Variants in MTMR9 observed in about 807,000 individuals in gnomAD.
The protein encoded by MTMR9 is myotubularin-related protein 9.
MTMR9 carries 39 observed loss-of-function variants against 69.5 expected under a neutral mutation model. That is an observed-to-expected ratio of 0.56 (90% CI 0.43 to 0.73). The LOEUF is 0.73. MTMR9 is among the 30% of genes least tolerant of loss of function. The pLI is 0.00. For missense variants in MTMR9, 900 were observed against 671.2 expected (o/e 1.34, Z -3.77); for synonymous variants, 354 against 240.8 (o/e 1.47, Z -4.35).
rs73537142 is a variant in MTMR9, at chr8:11,297,102, T to C, written c.291+1800T>C. Among the ~76,000 whole-genome samples, 431 of 152,350 alleles carry C rather than the reference T, an allele frequency of 2.8e-3. 2 individuals are homozygous for C. The highest frequency in any genetic ancestry group is 9.5e-3 in the African/African-American group (393 of 41,574). ...TACTTTCTAGACTACTATAGGAACG[T>C]TGATTTTTTCTTTCCGTGTATGTGT... On this transcript the variant is annotated intron_variant, in intron 2 of 9. Transcript: ENST00000221086.
rs1230704259 is a variant in MTMR9 at position 11,323,627 on chromosome 8, A to T, written c.*839A>T. 1 of 152,280 alleles carries T rather than the reference A, an allele frequency of 6.6e-6. No homozygotes were observed. The highest frequency in any genetic ancestry group is 1.5e-5 in the Non-Finnish European group (1 of 68,048). 9.4% of individuals were successfully genotyped at this position (152,280 alleles called of 1,614,324 possible). ...ATCTAGAATAGAGTTAATTTATTAT[A>T]ATCAAGCTACAAATAGGTTTTCTTA... On this transcript the variant is annotated 3_prime_UTR_variant, in exon 10 of 10. Transcript: ENST00000221086.
the MTMR9 span, among the ~76,000 whole-genome samples, chr8:11,339,290 G>C: frequency 6.6e-6 from 1 of 152,166 alleles, no homozygotes; most frequent in Non-Finnish European, 1.5e-5. Flanking sequence ...CTGACAATTG[G>C]TATACTATTT....
chr8:11,302,283 CA>C (rs60497555), intron 3 of MTMR9, among the ~76,000 whole-genome samples: 62,197 of 104,304 alleles, frequency 0.6, 16,038 homozygotes, highest in East Asian at 0.78. Context: ...AAGAGGAAGA[CA>C]AAAAAAAAAA....
At chr8:11,307,323 C>T (rs963982165) in intron 5 of MTMR9, among the ~76,000 whole-genome samples, 3 of 152,174 alleles carry the variant, frequency 2.0e-5, no homozygotes, top group Non-Finnish European at 2.9e-5. Context: ...CCTCCTGCCT[C>T]GGCCCCTCAA....
At chr8:11,298,118 T>A (rs1015071996) in intron 2 of MTMR9, among the ~76,000 whole-genome samples, 5 of 152,206 alleles carry the variant, frequency 3.3e-5, no homozygotes, top group African/African-American at 1.2e-4. Context: ...AAGCTTTTTT[T>A]CAGTGTTTCA....
intron 5 of MTMR9, 26 bp downstream of exon 5, chr8:11,306,433 A>C: frequency 6.2e-7 from 1 of 1,600,914 alleles, no homozygotes; most frequent in Non-Finnish European, 8.6e-7. Flanking sequence ...GATAGTACAG[A>C]CTCTTATTAG....
intron 5 of MTMR9, among the ~76,000 whole-genome samples, chr8:11,307,199 G>C (rs934179443): frequency 6.6e-6 from 1 of 152,102 alleles, no homozygotes; most frequent in African/African-American, 2.4e-5. Flanking sequence ...AGCTTCCCAA[G>C]TAGCTGGGAC....
At chr8:11,331,122 C>A, downstream of MTMR9, 2 of 1,601,684 alleles carry the variant, frequency 1.2e-6, no homozygotes, top group Non-Finnish European at 1.7e-6. Context: ...TGGCAGTCAC[C>A]CCTACTTCAA....
downstream of MTMR9, among the ~76,000 whole-genome samples, chr8:11,328,344 CGTGTGTGTGTGT>C (rs151066674): frequency 1.1e-5 from 1 of 90,894 alleles, no homozygotes; most frequent in African/African-American, 3.0e-5. Flanking sequence ...TTTAATACCA[CGTGTGTGTGTGT>C]GTGTGTGTGT....
At chr8:11,291,296 G>T (rs942418917) in intron 1 of MTMR9, among the ~76,000 whole-genome samples, 5 of 151,988 alleles carry the variant, frequency 3.3e-5, no homozygotes, top group African/African-American at 1.2e-4. Flanking sequence ...TATATGCTAG[G>T]TGCTGTACTA....
chr8:11,328,371 GTT>G (rs1491286482), downstream of MTMR9, among the ~76,000 whole-genome samples: 9,801 of 150,316 alleles, frequency 0.065, 349 homozygotes, highest in African/African-American at 0.077. Flanking sequence ...GTGTGTGTGT[GTT>G]TGTTACACTG....
chr8:11,288,358 A>T (rs1203427395), intron 1 of MTMR9, among the ~76,000 whole-genome samples: 2 of 141,380 alleles, frequency 1.4e-5, no homozygotes, highest in East Asian at 3.9e-4. Flanking sequence ...ATATATATAT[A>T]ATATATATAT....
chr8:11,298,867 G>C (rs970051611), intron 2 of MTMR9: 27 of 985,036 alleles, frequency 2.7e-5, no homozygotes, highest in Non-Finnish European at 3.1e-5. Context: ...GGATTCAAGT[G>C]CTCCAGGTAA....
intron 8 of MTMR9, chr8:11,317,781 T>C (rs1362346355): frequency 6.6e-6 from 1 of 152,272 alleles, no homozygotes; most frequent in African/African-American, 2.4e-5. Context: ...CACATCAGAA[T>C]GATCTTTCAG....
intron 1 of MTMR9, among the ~76,000 whole-genome samples, chr8:11,285,653 G>A (rs1384676707): frequency 2.0e-5 from 3 of 152,030 alleles, no homozygotes; most frequent in African/African-American, 7.2e-5. Context: ...AAAGAACAGG[G>A]TTGGCTCTCA....
chr8:11,310,690 T>G (rs1490422672), intron 6 of MTMR9, among the ~76,000 whole-genome samples: 1 of 152,208 alleles, frequency 6.6e-6, no homozygotes, highest in Admixed American at 6.5e-5. Flanking sequence ...ATAATGATTT[T>G]GTTAATACTG....
At chr8:11,305,749 A>G (rs1385522051) in intron 4 of MTMR9, among the ~76,000 whole-genome samples, 1 of 152,194 alleles carries the variant, frequency 6.6e-6, no homozygotes, top group Non-Finnish European at 1.5e-5. Flanking sequence ...AACAATGAGA[A>G]CAGTGTTTGA....
downstream of MTMR9, chr8:11,331,122 C>T: frequency 6.2e-7 from 1 of 1,601,684 alleles, no homozygotes; most frequent in Non-Finnish European, 8.5e-7. Context: ...TGGCAGTCAC[C>T]CCTACTTCAA....
downstream of MTMR9, chr8:11,332,031 G>C (rs751708236): frequency 6.8e-6 from 11 of 1,611,904 alleles, no homozygotes; most frequent in South Asian, 1.1e-4. Flanking sequence ...GGCACTTTCT[G>C]ACATCATGGG....
Sources: allele counts gnomAD v4.1 joint callset (sites outside exome capture counted in the v4.1 genomes callset), GRCh38; gene constraint gnomAD v4.1.1; transcripts MANE v1.5; gene names NCBI Gene and HGNC (gene_info 2026-07-23, HGNC 2026-07-21).